KCNN2: variants seen among roughly 807,000 people sequenced by gnomAD.
The protein encoded by KCNN2 is small conductance calcium-activated potassium channel protein 2.
In KCNN2, 24 loss-of-function variants were observed where a neutral mutation model predicts 55.5. The ratio of observed to expected loss-of-function variants is 0.43; its 90% CI spans 0.31 to 0.61. The LOEUF (loss-of-function observed/expected upper bound fraction) is 0.61, where lower values mean the gene tolerates loss of function less well. Ranked by LOEUF, KCNN2 falls within the 20% of genes least tolerant of loss-of-function variation. The pLI is 0.08. For missense variants in KCNN2, 754 were observed against 853.6 expected, an observed-to-expected ratio of 0.88 and a Z score of 1.45; for synonymous variants, 431 against 336.1, an observed-to-expected ratio of 1.28 and a Z score of -3.09.
intron 2 of KCNN2, among the ~76,000 whole-genome samples, chr5:114,374,661 C>T (rs993910): frequency 0.34 from 51,546 of 152,074 alleles, 8,917 homozygotes; most frequent in African/African-American, 0.36. Context: ...ATTGAATCTA[C>T]ATTCTGTCCG....
At chr5:114,451,883 C>T (rs981693695) in intron 3 of KCNN2, among the ~76,000 whole-genome samples, 3 of 146,666 alleles carry the variant, frequency 2.0e-5, no homozygotes, top group African/African-American at 7.6e-5. Flanking sequence ...GGTGACAGAG[C>T]AAGACACTGT....
intron 1 of KCNN2, among the ~76,000 whole-genome samples, chr5:114,179,243 G>A (rs1753192272): frequency 6.6e-6 from 1 of 152,160 alleles, no homozygotes; most frequent in East Asian, 1.9e-4. Context: ...GTCATCTCAA[G>A]GCTTACAGAG....
chr5:114,105,659 A>T (rs1009215734), intron 1 of KCNN2, among the ~76,000 whole-genome samples: 1 of 152,084 alleles, frequency 6.6e-6, no homozygotes, highest in Non-Finnish European at 1.5e-5. Context: ...ATGCCAAAAT[A>T]CCAGGGTAAT....
At chr5:114,240,400 GA>G (rs1423563812) in intron 2 of KCNN2, among the ~76,000 whole-genome samples, 1 of 145,708 alleles carries the variant, frequency 6.9e-6, no homozygotes, top group Non-Finnish European at 1.5e-5. Context: ...ATTTTAAAAA[GA>G]AAGCTCAAAT....
At chr5:114,316,628 A>T (rs1482567487) in intron 2 of KCNN2, among the ~76,000 whole-genome samples, 1 of 152,234 alleles carries the variant, frequency 6.6e-6, no homozygotes, top group Non-Finnish European at 1.5e-5. Context: ...CTCAGGAATA[A>T]TGGTGTATGA....
chr5:114,095,145 C>T (rs1356422452), intron 1 of KCNN2, among the ~76,000 whole-genome samples: 4 of 151,916 alleles, frequency 2.6e-5, no homozygotes, highest in Admixed American at 6.6e-5. Context: ...TTGTTTTAAA[C>T]TACTATGTTT....
At chr5:114,423,606 A>G (rs1387740449) in intron 3 of KCNN2, among the ~76,000 whole-genome samples, 1 of 152,170 alleles carries the variant, frequency 6.6e-6, no homozygotes, top group African/African-American at 2.4e-5. Context: ...TTATTTACAA[A>G]TATATATATT....
intron 1 of KCNN2, among the ~76,000 whole-genome samples, chr5:114,221,256 T>A (rs1233067520): frequency 1.3e-5 from 2 of 152,186 alleles, no homozygotes; most frequent in Non-Finnish European, 2.9e-5. Context: ...AGGTGCAAAG[T>A]GATAGAATCT....
At chr5:114,458,715 G>C (rs188418820) in intron 3 of KCNN2, among the ~76,000 whole-genome samples, 37 of 152,288 alleles carry the variant, frequency 2.4e-4, no homozygotes, top group African/African-American at 8.4e-4. Flanking sequence ...AATGGTGCTA[G>C]AGATATCTAC....
chr5:114,246,630 C>T (rs574217090), intron 2 of KCNN2, among the ~76,000 whole-genome samples: 36 of 152,116 alleles, frequency 2.4e-4, no homozygotes, highest in African/African-American at 8.2e-4. Flanking sequence ...TATTTAAGGC[C>T]AACTAAACAG....
chr5:114,406,107 A>T (rs1275438730), intron 3 of KCNN2, among the ~76,000 whole-genome samples: 1 of 151,624 alleles, frequency 6.6e-6, no homozygotes, highest in African/African-American at 2.4e-5. Context: ...CTGGAAAAAA[A>T]AAAAAAAAAA....
intron 2 of KCNN2, among the ~76,000 whole-genome samples, chr5:114,346,613 G>A (rs1225572561): frequency 2.6e-5 from 4 of 152,130 alleles, no homozygotes; most frequent in African/African-American, 9.7e-5. Context: ...TATATACACA[G>A]AGATAGACAT....
At chr5:114,405,402 G>A (rs1274969520) in intron 3 of KCNN2, among the ~76,000 whole-genome samples, 3 of 152,198 alleles carry the variant, frequency 2.0e-5, no homozygotes, top group East Asian at 1.9e-4. Flanking sequence ...AACAGGCAAT[G>A]TGTATTTGTT....
At position 114,444,492 on chromosome 5, in the gene KCNN2, A is replaced by T. The variant is rs1293312390; in HGVS notation, c.1638-18557A>T. ...CAGCTGGAGCTTAGGGTGCAAGTTC[A>T]GGACAGCAAAAATTAAGATTGGAGT... On this transcript the variant is annotated intron_variant, in intron 3 of 7. Transcript: ENST00000673685. Among the ~76,000 whole-genome samples the T allele has an allele frequency of 2.0e-5, 3 of 152,118 alleles. 1 individual carries two copies. The East Asian group carries it at 5.8e-4, about 29-fold the overall frequency.
At chr5:114,139,889 G>T (rs919900179) in intron 1 of KCNN2, among the ~76,000 whole-genome samples, 4 of 151,568 alleles carry the variant, frequency 2.6e-5, no homozygotes, top group African/African-American at 9.7e-5. Flanking sequence ...GCATACCTGG[G>T]TAAGACTGAA....
chr5:114,074,728 A>G (rs1171420413), intron 1 of KCNN2, among the ~76,000 whole-genome samples: 1 of 152,182 alleles, frequency 6.6e-6, no homozygotes, highest in Admixed American at 6.5e-5. Context: ...CTGCCCAGAG[A>G]GATTAATATC....
At chr5:114,292,097 T>C (rs540941720) in intron 2 of KCNN2, among the ~76,000 whole-genome samples, 1 of 152,244 alleles carries the variant, frequency 6.6e-6, no homozygotes, top group African/African-American at 2.4e-5. Context: ...ATTAGCCCTT[T>C]GTCAGATGAG....
chr5:114,238,176 C>G (rs1754544622), intron 2 of KCNN2, among the ~76,000 whole-genome samples: 1 of 152,190 alleles, frequency 6.6e-6, no homozygotes, highest in East Asian at 1.9e-4. Flanking sequence ...TAGTTAAATA[C>G]TAGAGACTTC....
chr5:114,291,635 G>A (rs920795614), intron 2 of KCNN2, among the ~76,000 whole-genome samples: 1 of 152,174 alleles, frequency 6.6e-6, no homozygotes, highest in Non-Finnish European at 1.5e-5. Flanking sequence ...ATTGTGAATA[G>A]TGCTGCAATA....
Sources: allele counts gnomAD v4.1 joint callset (sites outside exome capture counted in the v4.1 genomes callset), GRCh38; gene constraint gnomAD v4.1.1; transcripts MANE v1.5; gene names NCBI Gene and HGNC (gene_info 2026-07-23, HGNC 2026-07-21).